The following SH3TC2 variants were observed in gnomAD, a reference collection of about 807,000 sequenced individuals.
The protein encoded by SH3TC2 is SH3 domain and tetratricopeptide repeat-containing protein 2.
SH3TC2 carries 87 observed loss-of-function variants against 124.5 expected under a neutral mutation model. The observed-to-expected ratio is 0.70, with a 90% CI of 0.59 to 0.84. The LOEUF (loss-of-function observed/expected upper bound fraction) is 0.84, where lower values mean the gene tolerates loss of function less well. SH3TC2 is among the 40% of genes least tolerant of loss of function. SH3TC2 has a pLI of 0.00. For synonymous variants in SH3TC2, 634 were observed against 628.5 expected (o/e 1.01, Z -0.13); for missense variants, 1,536 against 1,566.4 (o/e 0.98, Z 0.33).
Position 149,010,267 on chromosome 5 carries a change from T to TA in SH3TC2, c.3327+2dup. On this transcript the variant is annotated splice_region_variant and intron_variant, in intron 14 of 16. Coordinates refer to ENST00000515425, the MANE Select transcript of SH3TC2 (RefSeq NM_024577.4). ...CTCAGCAAACTGCACAGCTTGGACT[T>TA]ACTCGGTAGTACTCCACTGCATGAT... 1 of 1,614,192 alleles carries TA rather than the reference T, an allele frequency of 6.2e-7. No individual in the cohort carries two copies. The highest frequency in any genetic ancestry group is 8.5e-7 in the Non-Finnish European group (1 of 1,180,040).
chr5:149,016,139 T>G (rs545058197), intron 12 of SH3TC2, among the ~76,000 whole-genome samples: 1 of 152,216 alleles, frequency 6.6e-6, no homozygotes, highest in Non-Finnish European at 1.5e-5. Flanking sequence ...CAAAATCTCA[T>G]GTAATCATCA....
rs1238629311 is a variant in SH3TC2, at chr5:148,992,572, T to C, written c.*12139A>G. 4.0e-5 allele frequency among the ~76,000 whole-genome samples: 6 copies of C among 148,828 alleles called. No homozygotes were observed. Among genetic ancestry groups the C allele is most frequent in the Non-Finnish European group, 7.4e-5 (5 of 67,214 alleles). ...TTGAAAGTATGTGTATGGGTGTGTA[T>C]ACATAATTCCAAGAAGAGATTTCAT... On this transcript the variant is annotated 3_prime_UTR_variant, in exon 17 of 17. Transcript: ENST00000515425.
rs1180660151 is a variant in SH3TC2 at position 149,038,147 on chromosome 5, T to G, written c.1001+148A>C. On this transcript the variant is annotated intron_variant, in intron 8 of 16. Coordinates refer to ENST00000515425, the MANE Select transcript of SH3TC2 (RefSeq NM_024577.4). ...ACGCATTCTCTCCTTTCTATCACTC[T>G]CTGTATCAACCTTGGTGTCAGCATG... 18 of 683,402 alleles carry G rather than the reference T, an allele frequency of 2.6e-5. No individual in the cohort carries two copies. In the East Asian group the frequency reaches 4.5e-4, roughly 17 times the overall value. The allele number at this position is 683,402 out of a possible 1,614,324, so 42.3% of individuals were successfully genotyped here.
At chr5:149,006,522 T>C (rs187459851) in intron 16 of SH3TC2, among the ~76,000 whole-genome samples, 2 of 152,340 alleles carry the variant, frequency 1.3e-5, no homozygotes, top group Admixed American at 1.3e-4. Context: ...TTAGACCTTA[T>C]AGTTCTTTTG....
chr5:149,057,944 C>T (rs1463149557), intron 1 of SH3TC2, among the ~76,000 whole-genome samples: 2 of 152,122 alleles, frequency 1.3e-5, no homozygotes, highest in African/African-American at 4.8e-5. Context: ...GTTCTAGGAC[C>T]CTCATCAGCA....
At chr5:149,010,159 A>G (rs1753759749) in intron 14 of SH3TC2, 111 bp downstream of exon 14, 2 of 1,487,642 alleles carry the variant, frequency 1.3e-6, no homozygotes, top group Admixed American at 1.7e-5. Flanking sequence ...AAAGAGAGAA[A>G]AATGAAATAC....
chr5:149,014,475 A>G (rs1295129869), intron 12 of SH3TC2, among the ~76,000 whole-genome samples: 1 of 152,200 alleles, frequency 6.6e-6, no homozygotes, highest in Non-Finnish European at 1.5e-5. Context: ...ACCATGAGGG[A>G]AACAAGCATT....
In SH3TC2 at chr5:148,990,910, C is replaced by A. The variant is rs1192372723; in HGVS notation, c.*13801G>T. Among the ~76,000 whole-genome samples the A allele has an allele frequency of 6.6e-6, 1 of 152,156 alleles. No individual in the cohort carries two copies. The highest frequency in any genetic ancestry group is 1.5e-5 in the Non-Finnish European group (1 of 68,028). ...GCAAGTTCTGGGATAACCCATTTGA[C>A]AGGTGAGAAAACTGAGACCCAGAGA... On this transcript the variant is annotated 3_prime_UTR_variant, in exon 17 of 17. Transcript: ENST00000515425.
At chr5:149,014,452 G>A (rs959230496) in intron 12 of SH3TC2, among the ~76,000 whole-genome samples, 1 of 152,170 alleles carries the variant, frequency 6.6e-6, no homozygotes, top group Admixed American at 6.5e-5. Flanking sequence ...TCAGCCACCA[G>A]GCCCCTTTGT....
chr5:148,992,269 T>A lies in SH3TC2; in HGVS notation c.*12442A>T, dbSNP rs56848629. 2.0e-5 allele frequency among the ~76,000 whole-genome samples: 3 copies of A among 152,252 alleles called. No individual in the cohort carries two copies. The highest frequency in any genetic ancestry group is 1.3e-4 in the Admixed American group (2 of 15,300). ...AGTGGGGATTTTTACCCAGGTAGCA[T>A]AATCCCAAGGTTTATGCTCTTAACC... On this transcript the variant is annotated 3_prime_UTR_variant, in exon 17 of 17. Transcript: ENST00000515425.
rs951602537 is a variant in SH3TC2, at chr5:148,999,423, A to G, written c.*5288T>C. Among the ~76,000 whole-genome samples the G allele has an allele frequency of 6.6e-6, 1 of 152,172 alleles. No homozygotes were observed. The highest frequency in any genetic ancestry group is 2.4e-5 in the African/African-American group (1 of 41,442). On this transcript the variant is annotated 3_prime_UTR_variant, in exon 17 of 17. Transcript: ENST00000515425. The stretch of plus-strand genomic sequence containing the variant: ...CTAAGTATGCCCAACTCCAAAACAC[A>G]TTACATTGCCCCCACCTGAGCTGCC...
Position 149,027,750 on chromosome 5 carries a change from A to T in SH3TC2, c.1982T>A (p.Leu661His). 6.2e-7 allele frequency: 1 copy of T among 1,613,960 alleles called. No individual in the cohort carries two copies. Among genetic ancestry groups the T allele is most frequent in the Non-Finnish European group, 8.5e-7 (1 of 1,179,938 alleles). The change falls in exon 11 of 17, where the codon CTC becomes CAC. Residue 661 changes from leucine (L) to histidine (H), a missense_variant. Transcript: ENST00000515425. ...EVLPFAERLQ[L>H]LSGHPPASEA... ...AGAGGCAGGAGGGTGTCCAGAGAGG[A>T]GCTGCAGGCGCTCGGCAAAGGGCAG...
intron 15 of SH3TC2, 38 bp from the exon 16 acceptor site, chr5:149,007,115 A>C (rs1229289102): frequency 6.3e-7 from 1 of 1,589,992 alleles, no homozygotes; most frequent in African/African-American, 1.3e-5. Flanking sequence ...TCCTGCAACC[A>C]ACACTTTGCA....
At chr5:149,040,729 A>C (rs747243585) in intron 6 of SH3TC2, 52 bp from the exon 7 acceptor site, 1 of 1,409,864 alleles carries the variant, frequency 7.1e-7, no homozygotes, top group South Asian at 1.2e-5. Context: ...AAATTGCAAC[A>C]ATGAACAGAA....
chr5:149,016,255 T>C (rs528242340), intron 12 of SH3TC2, among the ~76,000 whole-genome samples: 19 of 152,316 alleles, frequency 1.2e-4, no homozygotes, highest in Admixed American at 8.5e-4. Context: ...AAGCCCTGTT[T>C]AAACCAGGAT....
At position 148,984,822 on chromosome 5, in the gene SH3TC2, T is replaced by C. The variant is rs970472233; in HGVS notation, c.*19889A>G. On this transcript the variant is annotated 3_prime_UTR_variant, in exon 17 of 17. Transcript: ENST00000515425. ...GAGGCATCTGCTTCCTGCTTCACCT[T>C]GAAGGTTATGTACTCCACTCACTTC... Among the ~76,000 whole-genome samples, 15 of 152,172 alleles carry C rather than the reference T, an allele frequency of 9.9e-5. No individual in the cohort carries two copies. The highest frequency in any genetic ancestry group is 9.2e-4 in the Admixed American group (14 of 15,266).
At chr5:149,008,697 A>T in intron 15 of SH3TC2, 154 bp downstream of exon 15, 1 of 1,031,472 alleles carries the variant, frequency 9.7e-7, no homozygotes, top group Non-Finnish European at 1.5e-6. Flanking sequence ...TATAGAAGTT[A>T]AGCAACTTGC....
At chr5:149,021,936 C>T (rs201581966) in intron 12 of SH3TC2, among the ~76,000 whole-genome samples, 1 of 6,298 alleles carries the variant, frequency 1.6e-4, no homozygotes, top group East Asian at 6.3e-3. Context: ...TTTTTTGAGA[C>T]GGAGTCTCGC....
intron 3 of SH3TC2, 157 bp downstream of exon 3, chr5:149,047,705 A>C: frequency 2.0e-6 from 2 of 1,008,636 alleles, no homozygotes. Flanking sequence ...ACTCCTGTGC[A>C]GAGAATGTGC....
Sources: gnomAD v4.1 joint callset for allele counts (sites outside exome capture counted in the v4.1 genomes callset) on GRCh38, gnomAD v4.1.1 for gene constraint, MANE v1.5 for transcripts, NCBI Gene and HGNC (gene_info 2026-07-23, HGNC 2026-07-21) for gene names.